Variants in MGAM2 observed in about 807,000 individuals in gnomAD.
The protein encoded by MGAM2 is maltase-glucoamylase 2 (putative).
Under a neutral mutation model 96.1 loss-of-function variants are expected in MGAM2, and 98 were observed. The ratio of observed to expected loss-of-function variants is 1.02; its 90% CI spans 0.87 to 1.21. The LOEUF (loss-of-function observed/expected upper bound fraction) is 1.21. MGAM2 is among the 50% of genes most tolerant of loss of function. The probability of loss-of-function intolerance (pLI) is 0.00; values close to 1 mark genes in which losing one functional copy is unlikely to be tolerated. For synonymous variants in MGAM2, 749 were observed against 414.8 expected (o/e 1.81, Z -9.79); for missense variants, 2,055 against 1,182.4 (o/e 1.74, Z -10.82).
At chr7:142,174,028 A>G (rs1245854060) in intron 31 of MGAM2, among the ~76,000 whole-genome samples, 1 of 152,074 alleles carries the variant, frequency 6.6e-6, no homozygotes, top group Non-Finnish European at 1.5e-5. Flanking sequence ...ATTATTTGCC[A>G]TTGATTTATG....
Position 142,174,715 on chromosome 7 carries a change from CT to C in MGAM2, c.3688-919del, listed in dbSNP as rs34480300. Among the ~76,000 whole-genome samples the C allele has an allele frequency of 6.1e-3, 519 of 85,432 alleles. 8 individuals carry two copies. Among genetic ancestry groups the C allele is most frequent in the African/African-American group, 0.024 (417 of 17,576 alleles). The allele number at this position is 85,432 out of a possible 152,430, so 56.0% of individuals were successfully genotyped here. On this transcript the variant is annotated intron_variant, in intron 31 of 47. Transcript: ENST00000477922. ...ATGCCCTTTATTTCTCTCTCTCTCTCTTTTTTTTTTTTTTTTTTGAGTTGGA... is the reference window on the plus strand; with the variant it reads ...ATGCCCTTTATTTCTCTCTCTCTCTCTTTTTTTTTTTTTTTTTGAGTTGGA...
intron 3 of MGAM2, among the ~76,000 whole-genome samples, chr7:142,130,575 C>A (rs1224140838): frequency 6.6e-6 from 1 of 152,226 alleles, no homozygotes; most frequent in Non-Finnish European, 1.5e-5. Context: ...CCCTACCCCA[C>A]TCCACGCCTA....
intron 33 of MGAM2, 66 bp downstream of exon 33, chr7:142,183,439 A>AAT: frequency 1.5e-6 from 1 of 678,722 alleles, no homozygotes. Context: ...AACAGCTCTC[A>AAT]ATACACATTG....
chr7:142,163,291 T>C (rs780857265), intron 23 of MGAM2, among the ~76,000 whole-genome samples: 1 of 152,208 alleles, frequency 6.6e-6, no homozygotes, highest in Non-Finnish European at 1.5e-5. Context: ...TTTTGTTTTG[T>C]TTTGCTTTGA....
rs908224615 is a variant in MGAM2, at chr7:142,173,300, T to C, written c.3633T>C (p.Asn1211=). Reference sequence around the variant, plus strand: ...ATCTGAGTCGCTATGGATACCAGAATGATGCTGAAATCTCCAGTTTGTATG... The same window carrying C: ...ATCTGAGTCGCTATGGATACCAGAACGATGCTGAAATCTCCAGTTTGTATG... The part of the protein sequence containing the change: ...GFHLSRYGYQ[N]DAEISSLYDA... The change falls in exon 31 of 48, where the codon AAT becomes AAC. Residue 1211 remains asparagine, a synonymous_variant. Transcript: ENST00000477922. The C allele has an allele frequency of 1.8e-5, 13 of 702,992 alleles. No homozygotes were observed. Among genetic ancestry groups the C allele is most frequent in the Non-Finnish European group, 3.4e-5 (13 of 384,942 alleles). The allele number at this position is 702,992 out of a possible 1,614,324, so 43.5% of individuals were successfully genotyped here. A position where few individuals can be genotyped will look rare whatever the true frequency, so the allele number is the denominator to read the frequency against.
chr7:142,175,463 C>G (rs1161713669), intron 31 of MGAM2, among the ~76,000 whole-genome samples, 189 bp from the exon 32 acceptor site: 1 of 152,108 alleles, frequency 6.6e-6, no homozygotes, highest in African/African-American at 2.4e-5. Context: ...GAACTGCATG[C>G]AGGCATCAGA....
intron 15 of MGAM2, among the ~76,000 whole-genome samples, chr7:142,152,141 C>G (rs974737642): frequency 6.6e-6 from 1 of 150,894 alleles, no homozygotes; most frequent in Non-Finnish European, 1.5e-5. Context: ...AATACAAAGC[C>G]TCTGAGTAAG....
intron 32 of MGAM2, among the ~76,000 whole-genome samples, chr7:142,178,866 C>T (rs1346574168): frequency 6.6e-6 from 1 of 152,024 alleles, no homozygotes; most frequent in Non-Finnish European, 1.5e-5. Flanking sequence ...TTAGCGTGGC[C>T]ATTGTAATGA....
Position 142,134,150 on chromosome 7 carries a change from G to T in MGAM2, c.745G>T (p.Glu249Ter). The change falls in exon 7 of 48, where the codon GAG becomes TAG. Residue 249 changes from glutamate (E) to a stop codon, truncating the protein, a stop_gained and splice_region_variant. Coordinates refer to ENST00000477922, the MANE Select transcript of MGAM2 (RefSeq NM_001293626.2). LOFTEE classifies it high-confidence loss of function. ...PIFTRDATPT[E>*]GMINLYGAHT... Reference sequence around the variant, plus strand: ...CTTCACCCGGGACGCTACCCCCACCGAGGTGAGGTGGCTTTCCTCCTGAGT... The same window carrying T: ...CTTCACCCGGGACGCTACCCCCACCTAGGTGAGGTGGCTTTCCTCCTGAGT... 1 of 739,070 alleles carries T rather than the reference G, an allele frequency of 1.4e-6. No individual in the cohort carries two copies. Among genetic ancestry groups the T allele is most frequent in the South Asian group, 1.4e-5 (1 of 70,808 alleles). 45.8% of individuals were successfully genotyped at this position (739,070 alleles called of 1,614,324 possible). A position where few individuals can be genotyped will look rare whatever the true frequency, so the allele number is the denominator to read the frequency against.
At chr7:142,192,120 T>C (rs959147691) in intron 37 of MGAM2, among the ~76,000 whole-genome samples, 3 of 152,132 alleles carry the variant, frequency 2.0e-5, no homozygotes, top group African/African-American at 7.2e-5. Flanking sequence ...CCCCAGAGTT[T>C]ACAAGAACCT....
chr7:142,152,689 G>A (rs1020272875), intron 15 of MGAM2, among the ~76,000 whole-genome samples: 1 of 152,196 alleles, frequency 6.6e-6, no homozygotes, highest in South Asian at 2.1e-4. Flanking sequence ...TAGAAAGCGG[G>A]AAAGAAGAGC....
chr7:142,155,063 A>C (rs1795698326), intron 17 of MGAM2, among the ~76,000 whole-genome samples: 1 of 152,194 alleles, frequency 6.6e-6, no homozygotes, highest in South Asian at 2.1e-4. Flanking sequence ...TTGGAAACTC[A>C]CCAACAAAGT....
chr7:142,214,156 A>G (rs1009614490), intron 46 of MGAM2, among the ~76,000 whole-genome samples: 1 of 152,194 alleles, frequency 6.6e-6, no homozygotes, highest in African/African-American at 2.4e-5. Context: ...TGGAACAAAT[A>G]TAAAAATAAT....
At chr7:142,150,405 A>G (rs775250948) in intron 15 of MGAM2, among the ~76,000 whole-genome samples, 14 of 151,800 alleles carry the variant, frequency 9.2e-5, no homozygotes, top group Non-Finnish European at 1.3e-4. Context: ...AACCACCTCC[A>G]TTTTCCCCCC....
chr7:142,128,181 G>A (rs772470552), intron 3 of MGAM2, among the ~76,000 whole-genome samples: 10 of 152,102 alleles, frequency 6.6e-5, no homozygotes, highest in Non-Finnish European at 1.2e-4. Flanking sequence ...GATGATTTAG[G>A]GTATCTGGCA....
intron 19 of MGAM2, among the ~76,000 whole-genome samples, chr7:142,159,010 T>C (rs1795815911): frequency 6.6e-6 from 1 of 152,184 alleles, no homozygotes; most frequent in African/African-American, 2.4e-5. Context: ...CTCACTGTCC[T>C]CCCAACTGTC....
rs976748624 is a variant in MGAM2, at chr7:142,218,439, T to C, written c.5266T>C (p.Trp1756Arg). Reference protein sequence around the residue: ...NPLKVGYIRIWGVNTYVTQVS... With the variant: ...NPLKVGYIRIRGVNTYVTQVS... ...ACTAAAAGTTGGGTATATTAGAATC[T>C]GGGGTGTGAATACCTATGTGACACA... Residue 1756 changes from tryptophan to arginine, a missense_variant, in exon 47 of 48, where the codon TGG becomes CGG. By Grantham distance (101) the Trp-to-Arg change is moderately radical. Transcript: ENST00000477922. 4.3e-6 allele frequency: 3 copies of C among 702,708 alleles called. No individual in the cohort carries two copies. Among genetic ancestry groups the C allele is most frequent in the Admixed American group, 2.0e-5 (1 of 49,982 alleles). The allele number at this position is 702,708 out of a possible 1,614,324, so 43.5% of individuals were successfully genotyped here. A position where few individuals can be genotyped will look rare whatever the true frequency, so the allele number is the denominator to read the frequency against.
chr7:142,203,697 A>C (rs1270777387), intron 45 of MGAM2, among the ~76,000 whole-genome samples: 1 of 152,084 alleles, frequency 6.6e-6, no homozygotes, highest in African/African-American at 2.4e-5. Context: ...AAAGCCACAC[A>C]CCTACAACCA....
At chr7:142,116,818 C>T (rs1817419835) in intron 1 of MGAM2, 56 bp from the exon 2 acceptor site, 2 of 701,898 alleles carry the variant, frequency 2.8e-6, no homozygotes, top group African/African-American at 3.5e-5. Context: ...TATGTATCCT[C>T]TTAGATTGGT....
Sources: allele counts gnomAD v4.1 joint callset (sites outside exome capture counted in the v4.1 genomes callset), GRCh38; gene constraint gnomAD v4.1.1; transcripts MANE v1.5; gene names NCBI Gene and HGNC (gene_info 2026-07-23, HGNC 2026-07-21).